The following IFNAR2 variants were observed in gnomAD, a reference collection of about 807,000 sequenced individuals.
IFNAR2 encodes interferon alpha/beta receptor 2.
IFNAR2 carries 30 observed loss-of-function variants against 49.4 expected under a neutral mutation model. The ratio of observed to expected loss-of-function variants is 0.61; its 90% confidence interval spans 0.45 to 0.82. IFNAR2 has a LOEUF of 0.82. IFNAR2 is among the 40% of genes least tolerant of loss of function. IFNAR2 has a pLI of 0.00. For synonymous variants in IFNAR2, 224 were observed against 234.5 expected (o/e 0.96, Z 0.41); for missense variants, 600 against 622.7 (o/e 0.96, Z 0.39).
intron 1 of IFNAR2, among the ~76,000 whole-genome samples, chr21:33,234,183 C>CTGTGTGTGTGTGTGTGTGTGTGTG (rs61686449): frequency 1.4e-4 from 20 of 140,796 alleles, no homozygotes; most frequent in South Asian, 9.5e-4. Context: ...AACAGAAACA[C>CTGTGTGTGTGTGTGTGTGTGTGTG]TGTGTGTGTG....
At chr21:33,233,595 A>G (rs1986219458) in intron 1 of IFNAR2, among the ~76,000 whole-genome samples, 2 of 152,226 alleles carry the variant, frequency 1.3e-5, no homozygotes, top group Non-Finnish European at 1.5e-5. Flanking sequence ...GCAGCACTAA[A>G]TGCCAGACTA....
chr21:33,248,648 A>G, intron 5 of IFNAR2, 61 bp from the exon 6 acceptor site: 1 of 1,500,056 alleles, frequency 6.7e-7, no homozygotes, highest in Non-Finnish European at 8.9e-7. Context: ...ACCACTTTAG[A>G]CTTTGTGGGC....
At chr21:33,242,938 G>A (rs1478172798) in intron 2 of IFNAR2, among the ~76,000 whole-genome samples, 3 of 141,776 alleles carry the variant, frequency 2.1e-5, no homozygotes, top group East Asian at 4.7e-4. Context: ...ACAGGCACCC[G>A]CCACCATGCC....
At chr21:33,257,408 C>T (rs900297884) in intron 7 of IFNAR2, among the ~76,000 whole-genome samples, 20 of 152,186 alleles carry the variant, frequency 1.3e-4, no homozygotes, top group Admixed American at 5.9e-4. Flanking sequence ...GGGACCTGAG[C>T]GGGTTGCCAC....
chr21:33,243,791 T>C, intron 3 of IFNAR2, 77 bp downstream of exon 3: 1 of 1,012,430 alleles, frequency 9.9e-7, no homozygotes, highest in South Asian at 1.3e-5. Context: ...AGGTATAAAA[T>C]GTGGGAGATT....
chr21:33,263,597 C>A lies in IFNAR2; in HGVS notation c.*97C>A. The A allele has an allele frequency of 3.3e-6, 4 of 1,195,392 alleles. No homozygotes were observed. The highest frequency in any genetic ancestry group is 4.6e-6 in the Non-Finnish European group (4 of 870,134). 74.0% of individuals were successfully genotyped at this position (1,195,392 alleles called of 1,614,324 possible). A position where few individuals can be genotyped will look rare whatever the true frequency, so the allele number is the denominator to read the frequency against. Reference sequence around the variant, plus strand: ...TGCCTTATCGTCTGCAAGTGTTCTCCAAGGGAAGGAGGAGGAAACTGTGGT... The same window carrying A: ...TGCCTTATCGTCTGCAAGTGTTCTCAAAGGGAAGGAGGAGGAAACTGTGGT... On this transcript the variant is annotated 3_prime_UTR_variant, in exon 9 of 9. Transcript: ENST00000342136.
At chr21:33,236,912 A>G in intron 1 of IFNAR2, 3 of 982,534 alleles carry the variant, frequency 3.1e-6, no homozygotes, top group Non-Finnish European at 3.6e-6. Flanking sequence ...TGTAGTCAGC[A>G]AGAGTTTTAA....
At chr21:33,232,575 A>G (rs1018666202) in intron 1 of IFNAR2, among the ~76,000 whole-genome samples, 1 of 152,148 alleles carries the variant, frequency 6.6e-6, no homozygotes, top group South Asian at 2.1e-4. Context: ...TTAAAATTTA[A>G]ATGTGTCTCA....
intron 1 of IFNAR2, among the ~76,000 whole-genome samples, chr21:33,231,226 G>T (rs1986040896): frequency 6.6e-6 from 1 of 152,114 alleles, no homozygotes; most frequent in Admixed American, 6.6e-5. Context: ...GCTTGAGGGG[G>T]TGAGGGGGTA....
At chr21:33,253,409 T>A (rs1987996830) in intron 7 of IFNAR2, among the ~76,000 whole-genome samples, 1 of 152,184 alleles carries the variant, frequency 6.6e-6, no homozygotes, top group Admixed American at 6.5e-5. Flanking sequence ...GCCTCGGAAC[T>A]CCCTGCTGAT....
Position 33,249,304 on chromosome 21 carries a change from A to G in IFNAR2, c.540+450A>G, listed in dbSNP as rs1054259532. ...GGTTGCAGTGAGCCGAGATCGCACC[A>G]TTGTGTTCCAGCCTGGGTGACAGAG... On this transcript the variant is annotated intron_variant, in intron 6 of 8. Transcript: ENST00000342136. Among the ~76,000 whole-genome samples the G allele has an allele frequency of 3.4e-5, 5 of 147,284 alleles. No individual in the cohort carries two copies. In the South Asian group the frequency reaches 8.6e-4, roughly 25 times the overall value.
At chr21:33,255,722 T>C (rs1381090713) in intron 7 of IFNAR2, among the ~76,000 whole-genome samples, 2 of 152,224 alleles carry the variant, frequency 1.3e-5, no homozygotes, top group African/African-American at 4.8e-5. Flanking sequence ...GGCTGCAGGA[T>C]TGAACTCAGT....
intron 7 of IFNAR2, among the ~76,000 whole-genome samples, chr21:33,253,394 A>G (rs896121049): frequency 7.9e-5 from 12 of 152,208 alleles, no homozygotes; most frequent in African/African-American, 2.7e-4. Flanking sequence ...AGTGAGAACA[A>G]TCAAGCCTCG....
At chr21:33,242,998 A>G (rs536782335) in intron 2 of IFNAR2, among the ~76,000 whole-genome samples, 193 of 151,442 alleles carry the variant, frequency 1.3e-3, no homozygotes, top group Non-Finnish European at 2.3e-3. Context: ...CATGTTGGCC[A>G]TGCTGGTCTC....
intron 7 of IFNAR2, among the ~76,000 whole-genome samples, chr21:33,253,447 C>T (rs1052079639): frequency 2.0e-5 from 3 of 152,128 alleles, no homozygotes; most frequent in Non-Finnish European, 2.9e-5. Flanking sequence ...GCCAAGTTTC[C>T]ACCTGTTTTA....
rs1292357667 is a variant in IFNAR2 at position 33,246,755 on chromosome 21, A to G, written c.259A>G (p.Asn87Asp). 10 of 1,614,010 alleles carry G rather than the reference A, an allele frequency of 6.2e-6. No homozygotes were observed. Among genetic ancestry groups the G allele is most frequent in the East Asian group, 2.2e-5 (1 of 44,890 alleles). ...TTTGAAGGTGGTTAAGAACTGTGCA[A>G]ATACCACAAGATCATTTTGTGACCT... Reference protein sequence around the residue: ...EDLKVVKNCANTTRSFCDLTD... With the variant: ...EDLKVVKNCADTTRSFCDLTD... The change falls in exon 5 of 9, where the codon AAT (asparagine) becomes GAT (aspartate). Residue 87 changes from asparagine (N) to aspartate (D), a missense_variant. Physicochemically the swap from Asn to Asp is conservative, Grantham distance 23. Coordinates refer to ENST00000342136, the MANE Select transcript of IFNAR2 (RefSeq NM_001289125.3).
chr21:33,250,703 A>G (rs1432262700), intron 6 of IFNAR2, among the ~76,000 whole-genome samples: 1 of 151,970 alleles, frequency 6.6e-6, no homozygotes, highest in East Asian at 1.9e-4. Flanking sequence ...ACACCCAGAT[A>G]ATTTTTTGTA....
chr21:33,242,098 C>T (rs993045446), intron 2 of IFNAR2, 121 bp downstream of exon 2: 12 of 814,780 alleles, frequency 1.5e-5, no homozygotes, highest in Non-Finnish European at 2.3e-5. Flanking sequence ...ACCACCCTGC[C>T]TAGTGTCAGG....
Position 33,243,669 on chromosome 21 carries a change from C to T in IFNAR2, c.56-4C>T. The T allele has an allele frequency of 6.2e-7, 1 of 1,612,230 alleles. No homozygotes were observed. On this transcript the variant is annotated splice_region_variant and splice_polypyrimidine_tract_variant and intron_variant, in intron 2 of 8. Coordinates refer to ENST00000342136, the MANE Select transcript of IFNAR2 (RefSeq NM_001289125.3). ...GCCTCTCTAATGTGTTTTCTTCCTT[C>T]TAGTGTATATCAGCCTCGTGTTTGG... is the stretch of plus-strand genomic sequence containing the variant.
Sources: allele counts gnomAD v4.1 joint callset (sites outside exome capture counted in the v4.1 genomes callset), GRCh38; gene constraint gnomAD v4.1.1; transcripts MANE v1.5; gene names NCBI Gene and HGNC (gene_info 2026-07-23, HGNC 2026-07-21).